The following CDKL1 variants were observed in gnomAD, a reference collection of about 807,000 sequenced individuals.
The protein encoded by CDKL1 is cyclin-dependent kinase-like 1.
Under a neutral mutation model 42.0 loss-of-function variants are expected in CDKL1, and 41 were observed. The observed-to-expected ratio is 0.98, with a 90% CI of 0.76 to 1.27. The LOEUF (loss-of-function observed/expected upper bound fraction) is 1.27. Among genes scored for constraint, CDKL1 ranks in the 50% most tolerant of loss-of-function variants. CDKL1 has a pLI of 0.00. For synonymous variants in CDKL1, 153 were observed against 158.6 expected (o/e 0.96, Z 0.26); for missense variants, 394 against 428.4 (o/e 0.92, Z 0.71).
At position 50,334,348 on chromosome 14, in the gene CDKL1, C is replaced by T. The variant is rs550169575; in HGVS notation, c.795+217G>A. On this transcript the variant is annotated intron_variant, in intron 8 of 9. Transcript: ENST00000395834. ...TTTTTATTTTTAGTAGAGACGGTTTCACCATGTTGACCAGGCTGGTTTTGA... is the reference window on the plus strand; with the variant it reads ...TTTTTATTTTTAGTAGAGACGGTTTTACCATGTTGACCAGGCTGGTTTTGA... The T allele has an allele frequency of 6.2e-5, 27 of 437,852 alleles. No individual in the cohort carries two copies. The Middle Eastern group carries it at 1.1e-3, about 18-fold the overall frequency. The allele number at this position is 437,852 out of a possible 1,614,324, so 27.1% of individuals were successfully genotyped here.
At chr14:50,336,277 G>C (rs949226349) in intron 7 of CDKL1, 61 of 1,231,934 alleles carry the variant, frequency 5.0e-5, no homozygotes, top group Non-Finnish European at 6.3e-5. Flanking sequence ...CTGTGTTTCT[G>C]TCAACAGGAA....
chr14:50,342,506 T>G, intron 4 of CDKL1: 1 of 950,824 alleles, frequency 1.1e-6, no homozygotes, highest in Non-Finnish European at 1.3e-6. Context: ...CCAGTTAAAT[T>G]TGAATTTCAG....
intron 3 of CDKL1, among the ~76,000 whole-genome samples, chr14:50,348,447 G>T (rs1027003586): frequency 6.6e-6 from 1 of 152,182 alleles, no homozygotes; most frequent in African/African-American, 2.4e-5. Context: ...CTGAAAATGT[G>T]GATACTGTTC....
At chr14:50,385,091 A>C (rs1566609468) in intron 2 of CDKL1, among the ~76,000 whole-genome samples, 2 of 60,598 alleles carry the variant, frequency 3.3e-5, no homozygotes, top group Non-Finnish European at 8.0e-5. Flanking sequence ...AAAAAAAAAA[A>C]AAAAAAAAAA....
intron 2 of CDKL1, chr14:50,362,245 C>T (rs775374226): frequency 3.7e-5 from 14 of 374,998 alleles, no homozygotes; most frequent in Middle Eastern, 7.9e-4. Flanking sequence ...CCGCAGCACC[C>T]GGTCCCATCG....
At chr14:50,378,934 C>T (rs2034822328) in intron 2 of CDKL1, among the ~76,000 whole-genome samples, 2 of 152,060 alleles carry the variant, frequency 1.3e-5, no homozygotes, top group South Asian at 2.1e-4. Context: ...TCACTGCAAC[C>T]TCCGCCTTCT....
At chr14:50,378,985 G>A (rs2034824030) in intron 2 of CDKL1, among the ~76,000 whole-genome samples, 1 of 151,982 alleles carries the variant, frequency 6.6e-6, no homozygotes, top group Admixed American at 6.6e-5. Flanking sequence ...CCGAGTAGCT[G>A]GGACTACAGG....
At chr14:50,341,455 C>CG in intron 5 of CDKL1, among the ~76,000 whole-genome samples, 2 of 4,546 alleles carry the variant, frequency 4.4e-4, no homozygotes, top group African/African-American at 1.6e-3. Flanking sequence ...TGGGGAGGGT[C>CG]TGGGGGGGGG....
chr14:50,389,662 C>CTA (rs1160321252), intron 2 of CDKL1, among the ~76,000 whole-genome samples: 1 of 152,042 alleles, frequency 6.6e-6, no homozygotes, highest in Non-Finnish European at 1.5e-5. Context: ...GTTTAGAAGG[C>CTA]TATTTTAGCC....
intron 2 of CDKL1, among the ~76,000 whole-genome samples, chr14:50,392,112 G>A (rs1337012565): frequency 6.6e-6 from 1 of 152,192 alleles, no homozygotes; most frequent in Non-Finnish European, 1.5e-5. Context: ...GAGACACAGA[G>A]CATCCCCTCA....
chr14:50,364,395 G>T (rs1221873820), intron 2 of CDKL1, among the ~76,000 whole-genome samples: 1 of 152,210 alleles, frequency 6.6e-6, no homozygotes, highest in East Asian at 1.9e-4. Context: ...CTTGAACCCA[G>T]GAGGCAGAGG....
At chr14:50,378,401 G>C (rs538555696) in intron 2 of CDKL1, 1 of 1,366,516 alleles carries the variant, frequency 7.3e-7, no homozygotes, top group South Asian at 1.1e-5. Context: ...CGTCTTGAAG[G>C]GGCTGGGCCG....
intron 8 of CDKL1, chr14:50,332,746 T>G: frequency 7.5e-7 from 1 of 1,329,564 alleles, no homozygotes; most frequent in African/African-American, 1.5e-5. Context: ...AATGGGGTAA[T>G]CCATTTAGCC....
chr14:50,343,632 C>T (rs991451442), intron 4 of CDKL1, among the ~76,000 whole-genome samples: 1 of 152,142 alleles, frequency 6.6e-6, no homozygotes, highest in African/African-American at 2.4e-5. Context: ...GAATTCTTTA[C>T]AAGTTTCTGC....
rs2032846024 is a variant in CDKL1, at chr14:50,329,959, A to T, written c.*115T>A. The T allele has an allele frequency of 7.8e-7, 1 of 1,279,068 alleles. No individual in the cohort carries two copies. The highest frequency in any genetic ancestry group is 2.9e-5 in the East Asian group (1 of 34,890). 79.2% of individuals were successfully genotyped at this position (1,279,068 alleles called of 1,614,324 possible). ...CAGTTGGCCTCCCAGTTTCTTGCTT[A>T]TGTTTTCTCCTGGTGTGTTTTCAAC... is the stretch of plus-strand genomic sequence containing the variant. On this transcript the variant is annotated 3_prime_UTR_variant, in exon 10 of 10. Coordinates refer to ENST00000395834, the MANE Select transcript of CDKL1 (RefSeq NM_004196.7).
At chr14:50,372,975 T>C (rs1273080317) in intron 2 of CDKL1, among the ~76,000 whole-genome samples, 1 of 152,170 alleles carries the variant, frequency 6.6e-6, no homozygotes, top group Non-Finnish European at 1.5e-5. Context: ...GTGTGATGGC[T>C]CCAGCTTTGT....
chr14:50,355,803 T>C (rs576572658), intron 3 of CDKL1, among the ~76,000 whole-genome samples: 1 of 152,260 alleles, frequency 6.6e-6, no homozygotes, highest in East Asian at 1.9e-4. Context: ...CCAGGTACAA[T>C]AGAGAAAGTA....
chr14:50,343,155 C>CTTAT (rs1555339772), intron 4 of CDKL1: 2 of 258,112 alleles, frequency 7.7e-6, no homozygotes, highest in African/African-American at 6.0e-5. Context: ...TTAAGAGTTA[C>CTTAT]TTTTTTTTTT....
intron 3 of CDKL1, among the ~76,000 whole-genome samples, chr14:50,352,807 A>C (rs1446475274): frequency 6.6e-6 from 1 of 152,218 alleles, no homozygotes; most frequent in Non-Finnish European, 1.5e-5. Flanking sequence ...GGGCAAGTGA[A>C]CATTAAACAA....
Sources: gnomAD v4.1 joint callset for allele counts (sites outside exome capture counted in the v4.1 genomes callset) on GRCh38, gnomAD v4.1.1 for gene constraint, MANE v1.5 for transcripts, NCBI Gene and HGNC (gene_info 2026-07-23, HGNC 2026-07-21) for gene names.